The following TMEM132C variants were observed in gnomAD, a reference collection of about 807,000 sequenced individuals.
TMEM132C encodes the protein protein phosphatase 1, regulatory subunit 152.
TMEM132C carries 29 observed loss-of-function variants against 61.4 expected under a neutral mutation model. The observed-to-expected ratio is 0.47, with a 90% CI of 0.35 to 0.64. The LOEUF is 0.64. Ranked by LOEUF, TMEM132C falls within the 30% of genes least tolerant of loss-of-function variation. TMEM132C has a pLI of 0.00. For missense variants in TMEM132C, 1,408 were observed against 1,476.9 expected, an observed-to-expected ratio of 0.95 and a Z score of 0.76; for synonymous variants, 656 against 633.1, an observed-to-expected ratio of 1.04 and a Z score of -0.54.
intron 1 of TMEM132C, among the ~76,000 whole-genome samples, chr12:128,374,097 A>T (rs1874109177): frequency 6.6e-6 from 1 of 152,186 alleles, no homozygotes; most frequent in Non-Finnish European, 1.5e-5. Context: ...CGATGAGGAA[A>T]TGCAGGTGGG....
chr12:128,637,219 T>A (rs943609006), intron 4 of TMEM132C, among the ~76,000 whole-genome samples: 7 of 152,170 alleles, frequency 4.6e-5, no homozygotes, highest in Non-Finnish European at 8.8e-5. Context: ...TTGTGAGAAA[T>A]CCTCCCCACA....
At chr12:128,443,247 A>G (rs562951984) in intron 2 of TMEM132C, among the ~76,000 whole-genome samples, 1 of 152,154 alleles carries the variant, frequency 6.6e-6, no homozygotes, top group Non-Finnish European at 1.5e-5. Context: ...AAATGATAAA[A>G]TGGACATTGG....
intron 3 of TMEM132C, among the ~76,000 whole-genome samples, chr12:128,572,832 G>C (rs1319810950): frequency 1.3e-5 from 2 of 152,256 alleles, no homozygotes; most frequent in African/African-American, 4.8e-5. Context: ...CAGTGACTTG[G>C]TCCCACTAGA....
At chr12:128,303,139 G>A (rs1477237878) in intron 1 of TMEM132C, among the ~76,000 whole-genome samples, 1 of 152,088 alleles carries the variant, frequency 6.6e-6, no homozygotes, top group African/African-American at 2.4e-5. Flanking sequence ...GATGCCATGT[G>A]GGTTCAGGTT....
intron 3 of TMEM132C, among the ~76,000 whole-genome samples, chr12:128,591,488 G>A (rs376363909): frequency 2.0e-5 from 3 of 152,138 alleles, no homozygotes; most frequent in African/African-American, 7.2e-5. Context: ...TTGTTCAACC[G>A]TTTGTCAGCT....
At chr12:128,319,217 C>G (rs1565899949) in intron 1 of TMEM132C, among the ~76,000 whole-genome samples, 2 of 152,178 alleles carry the variant, frequency 1.3e-5, no homozygotes, top group African/African-American at 2.4e-5. Context: ...ACAAGAAAGA[C>G]ATTAGGATGA....
chr12:128,361,947 A>T lies in TMEM132C; in HGVS notation c.86-52785A>T, dbSNP rs146795714. Among the ~76,000 whole-genome samples, 7 of 152,300 alleles carry T rather than the reference A, an allele frequency of 4.6e-5. No homozygotes were observed. The East Asian group carries it at 1.4e-3, about 30-fold the overall frequency. ...GGCGTAAAGCTTGTGGAATTCATTC[A>T]TCAGAGCGGGAGTGCAGATGAGCAG... On this transcript the variant is annotated intron_variant, in intron 1 of 8. Coordinates refer to ENST00000435159, the MANE Select transcript of TMEM132C (RefSeq NM_001136103.3).
intron 2 of TMEM132C, among the ~76,000 whole-genome samples, chr12:128,498,367 G>A (rs1872040455): frequency 7.3e-6 from 1 of 136,924 alleles, no homozygotes; most frequent in African/African-American, 2.6e-5. Flanking sequence ...ATGACGTGAT[G>A]TTCTATATAA....
chr12:128,271,147 G>A (rs937186638), intron 1 of TMEM132C, among the ~76,000 whole-genome samples: 4 of 151,832 alleles, frequency 2.6e-5, no homozygotes, highest in African/African-American at 9.7e-5. Context: ...CCAGCTACTC[G>A]GGAGACTGAG....
chr12:128,651,060 G>T (rs780893328), intron 4 of TMEM132C, among the ~76,000 whole-genome samples: 1 of 152,212 alleles, frequency 6.6e-6, no homozygotes, highest in African/African-American at 2.4e-5. Context: ...CCTGAGCCTC[G>T]CCCAGATTTC....
At chr12:128,421,049 G>A (rs896794861) in intron 2 of TMEM132C, among the ~76,000 whole-genome samples, 5 of 152,030 alleles carry the variant, frequency 3.3e-5, no homozygotes, top group African/African-American at 1.2e-4. Flanking sequence ...TTGGTTATAG[G>A]GATGAAGTAC....
chr12:128,573,727 A>G (rs183833487), intron 3 of TMEM132C, among the ~76,000 whole-genome samples: 2 of 152,242 alleles, frequency 1.3e-5, no homozygotes, highest in African/African-American at 4.8e-5. Flanking sequence ...TTAATGTTCA[A>G]TGGGGACAGA....
chr12:128,566,425 C>T (rs1021972251), intron 3 of TMEM132C, among the ~76,000 whole-genome samples: 5 of 152,226 alleles, frequency 3.3e-5, no homozygotes, highest in Non-Finnish European at 7.4e-5. Flanking sequence ...AATGTTATTT[C>T]TTTGCTCGTT....
At position 128,336,367 on chromosome 12, in the gene TMEM132C, A is replaced by ACT. The variant is rs1261139451; in HGVS notation, c.85+68883_85+68884dup. On this transcript the variant is annotated intron_variant, in intron 1 of 8. Transcript: ENST00000435159. Reference sequence around the variant, plus strand: ...ATAGAATTTTCTCTGTGCAATCTGTACTCTGGGAGGGGTTATTTGCTGACA... The same window carrying ACT: ...ATAGAATTTTCTCTGTGCAATCTGTACTCTCTGGGAGGGGTTATTTGCTGACA... 5.3e-5 allele frequency among the ~76,000 whole-genome samples: 8 copies of ACT among 152,210 alleles called. No homozygotes were observed. In the East Asian group the frequency reaches 1.5e-3, roughly 29 times the overall value.
At chr12:128,469,410 G>A (rs1225009746) in intron 2 of TMEM132C, among the ~76,000 whole-genome samples, 1 of 150,424 alleles carries the variant, frequency 6.6e-6, no homozygotes, top group Non-Finnish European at 1.5e-5. Flanking sequence ...CGACCTCCTG[G>A]GTTCAGGTGA....
intron 1 of TMEM132C, among the ~76,000 whole-genome samples, chr12:128,356,010 T>C (rs1873493530): frequency 6.6e-6 from 1 of 152,160 alleles, no homozygotes; most frequent in African/African-American, 2.4e-5. Flanking sequence ...GTCTTGTCAT[T>C]GTTGATCTCT....
intron 3 of TMEM132C, among the ~76,000 whole-genome samples, chr12:128,580,856 C>G (rs186105867): frequency 3.9e-5 from 6 of 152,174 alleles, no homozygotes; most frequent in African/African-American, 1.4e-4. Context: ...TCTGTTGACA[C>G]TTTAGGCCAG....
At chr12:128,700,731 G>A (rs955703912) in intron 8 of TMEM132C, among the ~76,000 whole-genome samples, 2 of 152,226 alleles carry the variant, frequency 1.3e-5, no homozygotes, top group Admixed American at 1.3e-4. Flanking sequence ...ATCGAAAAAT[G>A]AAAGGAGAAA....
At chr12:128,454,968 C>T (rs552512702) in intron 2 of TMEM132C, among the ~76,000 whole-genome samples, 7 of 152,152 alleles carry the variant, frequency 4.6e-5, no homozygotes, top group Non-Finnish European at 1.0e-4. Context: ...GGTTGACTTG[C>T]CTGTGGGCAG....
Sources: gnomAD v4.1 joint callset for allele counts (sites outside exome capture counted in the v4.1 genomes callset) on GRCh38, gnomAD v4.1.1 for gene constraint, MANE v1.5 for transcripts, NCBI Gene and HGNC (gene_info 2026-07-23, HGNC 2026-07-21) for gene names.